FAM234A: variants seen among roughly 807,000 people sequenced by gnomAD.
FAM234A encodes the protein protein FAM234A.
Under a neutral mutation model 49.1 loss-of-function variants are expected in FAM234A, and 42 were observed. The ratio of observed to expected loss-of-function variants is 0.86; its 90% CI spans 0.67 to 1.11. The LOEUF is 1.11. Ranked by LOEUF, FAM234A falls within the 50% of genes least tolerant of loss-of-function variation. The pLI is 0.00. For missense variants in FAM234A, 815 were observed against 745.2 expected, an observed-to-expected ratio of 1.09 and a Z score of -1.09; for synonymous variants, 369 against 316.2, an observed-to-expected ratio of 1.17 and a Z score of -1.77.
In FAM234A at chr16:254,819, T is replaced by C. The variant is rs2051167774; in HGVS notation, c.268+138T>C. ...CAATCCCAAGAGGCTGCCAGTTCTATGTCCAAGGTTTTCCCGGAGTTTTAG... is the reference window on the plus strand; with the variant it reads ...CAATCCCAAGAGGCTGCCAGTTCTACGTCCAAGGTTTTCCCGGAGTTTTAG... On this transcript the variant is annotated intron_variant, in intron 3 of 12. Transcript: ENST00000399932. 4 of 864,092 alleles carry C rather than the reference T, an allele frequency of 4.6e-6. No individual in the cohort carries two copies. The South Asian group carries it at 5.0e-5, about 11-fold the overall frequency. The allele number at this position is 864,092 out of a possible 1,614,324, so 53.5% of individuals were successfully genotyped here.
chr16:268,808 G>C (rs982130919), downstream of FAM234A: 3 of 1,550,244 alleles, frequency 1.9e-6, no homozygotes, highest in African/African-American at 4.1e-5. Context: ...GAGGCTCTTG[G>C]ACGGGGCAGA....
chr16:239,590 G>A (rs1216502738), intron 1 of FAM234A, among the ~76,000 whole-genome samples: 1 of 150,252 alleles, frequency 6.7e-6, no homozygotes, highest in African/African-American at 2.5e-5. Flanking sequence ...ACTCCAGCCT[G>A]GGTGACACAG....
chr16:266,793 G>T (rs530172636), downstream of FAM234A, among the ~76,000 whole-genome samples: 1 of 152,096 alleles, frequency 6.6e-6, no homozygotes, highest in African/African-American at 2.4e-5. Context: ...AGGGCTCTGC[G>T]GACGCGTCCT....
At chr16:262,595 C>G (rs747187684) in intron 8 of FAM234A, 42 bp downstream of exon 8, 4 of 1,518,910 alleles carry the variant, frequency 2.6e-6, no homozygotes, top group Non-Finnish European at 2.6e-6. Flanking sequence ...GAGCGCCCAC[C>G]CCATGGCTCT....
intron 1 of FAM234A, among the ~76,000 whole-genome samples, chr16:237,668 G>A (rs1287591287): frequency 6.6e-6 from 1 of 151,652 alleles, no homozygotes; most frequent in African/African-American, 2.4e-5. Flanking sequence ...AGTGATCTCG[G>A]AGTGAAAGTG....
At position 239,069 on chromosome 16, in the gene FAM234A, G is replaced by T. The variant is rs868867971; in HGVS notation, c.-140+4212G>T. Among the ~76,000 whole-genome samples the T allele has an allele frequency of 7.8e-4, 114 of 145,490 alleles. 1 individual carries two copies. Among genetic ancestry groups the T allele is most frequent in the African/African-American group, 2.7e-3 (107 of 39,044 alleles). ...TACACTCCAGCCTGGGCGACAGAGCGAGCCTACGTCTCAAAAATAAAAAAA... is the reference window on the plus strand; with the variant it reads ...TACACTCCAGCCTGGGCGACAGAGCTAGCCTACGTCTCAAAAATAAAAAAA... On this transcript the variant is annotated intron_variant, in intron 1 of 12. Transcript: ENST00000399932.
chr16:250,109 T>A (rs1288323421), intron 2 of FAM234A, among the ~76,000 whole-genome samples: 1 of 152,196 alleles, frequency 6.6e-6, no homozygotes, highest in Non-Finnish European at 1.5e-5. Flanking sequence ...TTTTTTGTAT[T>A]CTTAGTAGAG....
intron 1 of FAM234A, among the ~76,000 whole-genome samples, chr16:248,801 G>A (rs555614532): frequency 2.0e-5 from 3 of 151,678 alleles, no homozygotes; most frequent in African/African-American, 7.3e-5. Context: ...TTGTATTTTT[G>A]GGTAGAGAAG....
rs950426215 is a variant in FAM234A, at chr16:234,853, G to C, written c.-144G>C. On this transcript the variant is annotated 5_prime_UTR_variant, in exon 1 of 13. Transcript: ENST00000399932. ...GCGCGGTCGGGTGAGAGGCCGCGGC[G>C]GCAGGTGAGTGAGCGCGGCCTCGTA... 30 of 152,450 alleles carry C rather than the reference G, an allele frequency of 2.0e-4. No individual in the cohort carries two copies. The highest frequency in any genetic ancestry group is 8.8e-5 in the Non-Finnish European group (6 of 68,188). The allele number at this position is 152,450 out of a possible 1,614,324, so 9.4% of individuals were successfully genotyped here.
At chr16:254,311 G>A in intron 2 of FAM234A, 70 bp from the exon 3 acceptor site, 1 of 1,332,646 alleles carries the variant, frequency 7.5e-7, no homozygotes, top group Non-Finnish European at 1.0e-6. Flanking sequence ...GACGCCAGCA[G>A]ACCCCTCTGT....
At chr16:258,788 T>C (rs1053231722) in intron 3 of FAM234A, among the ~76,000 whole-genome samples, 8 of 152,164 alleles carry the variant, frequency 5.3e-5, no homozygotes, top group Non-Finnish European at 1.0e-4. Context: ...CCTATTTTTT[T>C]GTTTTTGTTT....
chr16:266,199 C>G, downstream of FAM234A: 2 of 749,708 alleles, frequency 2.7e-6, no homozygotes, highest in Non-Finnish European at 3.3e-6. Context: ...CAGGAATTTG[C>G]TGGCCAGCCT....
In FAM234A at chr16:246,007, C is replaced by T. The variant is rs533150824; in HGVS notation, c.-139-3542C>T. Among the ~76,000 whole-genome samples, 6 of 152,038 alleles carry T rather than the reference C, an allele frequency of 3.9e-5. No individual in the cohort carries two copies. The East Asian group carries it at 9.7e-4, about 25-fold the overall frequency. Reference sequence around the variant, plus strand: ...AGATCACGAGGTCAGCAGTTCTAGACCAGCCTGATCATCATGGTGAAACCG... The same window carrying T: ...AGATCACGAGGTCAGCAGTTCTAGATCAGCCTGATCATCATGGTGAAACCG... On this transcript the variant is annotated intron_variant, in intron 1 of 12. Transcript: ENST00000399932.
chr16:262,263 C>T (rs201455346), intron 7 of FAM234A, 38 bp downstream of exon 7: 14 of 1,609,820 alleles, frequency 8.7e-6, no homozygotes, highest in Admixed American at 5.0e-5. Context: ...CAGCCTCACT[C>T]GTGGAGCATG....
chr16:237,509 G>A (rs567428932), intron 1 of FAM234A, among the ~76,000 whole-genome samples: 1 of 152,032 alleles, frequency 6.6e-6, no homozygotes, highest in Non-Finnish European at 1.5e-5. Flanking sequence ...AGGGCTGGAG[G>A]ATCTGATTCC....
chr16:264,017 T>A lies in FAM234A; in HGVS notation c.1190T>A (p.Ile397Asn). The A allele has an allele frequency of 6.2e-7, 1 of 1,610,848 alleles. No individual in the cohort carries two copies. The highest frequency in any genetic ancestry group is 8.5e-7 in the Non-Finnish European group (1 of 1,178,258). Residue 397 changes from isoleucine (I) to asparagine (N), a missense_variant and splice_region_variant, in exon 11 of 13, where the codon ATC becomes AAC. Ile to Asn is a moderately radical substitution (Grantham distance 149). Coordinates refer to ENST00000399932, the MANE Select transcript of FAM234A (RefSeq NM_032039.4). ...CCACAGTGTCCCCTCCCTCCCCAGA[T>A]CCTGTTTCTGGACCTTGGCACTGGA... ...VENGTGTDRQILFLDLGTGAV... is the reference protein window; with the variant it reads ...VENGTGTDRQNLFLDLGTGAV...
chr16:241,943 T>C (rs1293421661), intron 1 of FAM234A, among the ~76,000 whole-genome samples: 3 of 151,980 alleles, frequency 2.0e-5, no homozygotes, highest in African/African-American at 7.3e-5. Context: ...AATGAGACTT[T>C]TGTTTTTATT....
chr16:252,204 G>C (rs2051046595), intron 2 of FAM234A, among the ~76,000 whole-genome samples: 1 of 127,098 alleles, frequency 7.9e-6, no homozygotes, highest in Admixed American at 8.3e-5. Flanking sequence ...TTTTTTTTGA[G>C]ACAGAGTCTC....
At position 263,410 on chromosome 16, in the gene FAM234A, G is replaced by T; in HGVS notation, c.1112+8G>T. 1 of 1,607,346 alleles carries T rather than the reference G, an allele frequency of 6.2e-7. No homozygotes were observed. The highest frequency in any genetic ancestry group is 2.2e-5 in the East Asian group (1 of 44,866). ...GGCAGCCCATGTCCTGAGGTACAGG[G>T]TTTCCCCAAGGACCGCGCAGGTGCT... is the stretch of plus-strand genomic sequence containing the variant. On this transcript the variant is annotated splice_region_variant and intron_variant, in intron 9 of 12. Transcript: ENST00000399932.
Sources: allele counts gnomAD v4.1 joint callset (sites outside exome capture counted in the v4.1 genomes callset), GRCh38; gene constraint gnomAD v4.1.1; transcripts MANE v1.5; gene names NCBI Gene and HGNC (gene_info 2026-07-23, HGNC 2026-07-21).